The following NVL variants were observed in gnomAD, a reference collection of about 807,000 sequenced individuals.
The protein encoded by NVL is nuclear valosin-containing protein-like.
NVL carries 84 observed loss-of-function variants against 110.2 expected under a neutral mutation model. The ratio of observed to expected loss-of-function variants is 0.76; its 90% CI spans 0.64 to 0.91. The LOEUF (loss-of-function observed/expected upper bound fraction) is 0.91, where lower values mean the gene tolerates loss of function less well. Ranked by LOEUF, NVL falls within the 40% of genes least tolerant of loss-of-function variation. The pLI is 0.00. For missense variants in NVL, 882 were observed against 1,035.9 expected (o/e 0.85, Z 2.04); for synonymous variants, 354 against 361.1 (o/e 0.98, Z 0.22).
chr1:224,288,023 T>C, intron 13 of NVL, 30 bp from the exon 14 acceptor site: 1 of 1,514,670 alleles, frequency 6.6e-7, no homozygotes, highest in Non-Finnish European at 9.1e-7. Flanking sequence ...GGGAAAAAAA[T>C]AAAGAAACAC....
At chr1:224,281,589 T>C (rs1345723108) in intron 15 of NVL, among the ~76,000 whole-genome samples, 1 of 151,538 alleles carries the variant, frequency 6.6e-6, no homozygotes, top group African/African-American at 2.4e-5. Flanking sequence ...CGTGAGCTAC[T>C]GCGCCTAGCC....
chr1:224,253,500 T>C (rs564384238), intron 18 of NVL, among the ~76,000 whole-genome samples: 2 of 151,354 alleles, frequency 1.3e-5, no homozygotes, highest in African/African-American at 2.4e-5. Flanking sequence ...TTTGGGAGGC[T>C]GAGGCGGGAG....
rs1397311716 is a variant in NVL, at chr1:224,309,006, AGCCGAGATCAC to A, written c.343-754_343-744del. Among the ~76,000 whole-genome samples the A allele has an allele frequency of 3.4e-5, 5 of 147,346 alleles. No homozygotes were observed. In the Admixed American group the frequency reaches 3.5e-4, roughly 10 times the overall value. ...AACCCGGGAGGCGGAGCTTGCAGTG[AGCCGAGATCAC>A]GCCACTGCACTCCAGCCTGGGTGAC... On this transcript the variant is annotated intron_variant, in intron 5 of 22. Coordinates refer to ENST00000281701, the MANE Select transcript of NVL (RefSeq NM_002533.4).
chr1:224,324,304 T>A (rs1398995015), intron 2 of NVL, among the ~76,000 whole-genome samples: 1 of 152,232 alleles, frequency 6.6e-6, no homozygotes, highest in Non-Finnish European at 1.5e-5. Flanking sequence ...ATATAGCACA[T>A]GCCTGTATTT....
At chr1:224,306,221 G>A (rs907800355) in intron 6 of NVL, among the ~76,000 whole-genome samples, 1 of 152,032 alleles carries the variant, frequency 6.6e-6, no homozygotes, top group Non-Finnish European at 1.5e-5. Flanking sequence ...TGTGAAAAGT[G>A]ACTGCACTCT....
intron 18 of NVL, among the ~76,000 whole-genome samples, chr1:224,260,169 G>A (rs899160504): frequency 6.6e-6 from 1 of 152,188 alleles, no homozygotes; most frequent in African/African-American, 2.4e-5. Context: ...GACTAGATGT[G>A]TAAGGAAACA....
intron 5 of NVL, among the ~76,000 whole-genome samples, chr1:224,310,162 G>C (rs995808420): frequency 7.2e-6 from 1 of 139,156 alleles, no homozygotes; most frequent in Admixed American, 7.6e-5. Flanking sequence ...CTGGGCGACA[G>C]AGTGAGACTC....
intron 18 of NVL, among the ~76,000 whole-genome samples, chr1:224,267,811 T>TTATG (rs1263510909): frequency 2.0e-5 from 3 of 152,148 alleles, no homozygotes; most frequent in African/African-American, 7.2e-5. Flanking sequence ...TTACTATAGC[T>TTATG]TATGCAAAAG....
intron 2 of NVL, among the ~76,000 whole-genome samples, chr1:224,319,902 T>C (rs1670477491): frequency 6.6e-6 from 1 of 152,234 alleles, no homozygotes; most frequent in Non-Finnish European, 1.5e-5. Context: ...ATTGCTTCTT[T>C]GGTTTTCCTT....
chr1:224,271,887 G>A (rs1374540527), intron 17 of NVL, among the ~76,000 whole-genome samples: 3 of 151,828 alleles, frequency 2.0e-5, no homozygotes, highest in African/African-American at 7.3e-5. Context: ...GGTGGTGTGC[G>A]CCTGTAATCC....
intron 1 of NVL, among the ~76,000 whole-genome samples, chr1:224,327,184 C>G (rs1241065156): frequency 1.3e-5 from 2 of 151,592 alleles, no homozygotes; most frequent in East Asian, 3.9e-4. Flanking sequence ...GGCTCACACC[C>G]GTAATCCCAG....
At position 224,287,954 on chromosome 1, in the gene NVL, C is replaced by A; in HGVS notation, c.1615G>T (p.Asp539Tyr). Residue 539 changes from aspartate (D) to tyrosine (Y), a missense_variant, in exon 14 of 23, where the codon GAT becomes TAT. Coordinates refer to ENST00000281701, the MANE Select transcript of NVL (RefSeq NM_002533.4). ...QRLLGLLRDQDPLSEEQMQGL... is the reference protein window; with the variant it reads ...QRLLGLLRDQYPLSEEQMQGL... ...TGCATCTGCTCCTCTGAGAGGGGAT[C>A]TTGGTCTCTTAGCAACCCCAGCAGC... is the stretch of plus-strand genomic sequence containing the variant. The A allele has an allele frequency of 1.2e-6, 2 of 1,613,570 alleles. No individual in the cohort carries two copies.
At position 224,308,065 on chromosome 1, in the gene NVL, C is replaced by T; in HGVS notation, c.541G>A (p.Val181Ile). 1 of 1,605,120 alleles carries T rather than the reference C, an allele frequency of 6.2e-7. No homozygotes were observed. Among genetic ancestry groups the T allele is most frequent in the Non-Finnish European group, 8.5e-7 (1 of 1,177,048 alleles). Residue 181 changes from valine to isoleucine, a missense_variant, in exon 6 of 23, where the codon GTA becomes ATA. Val to Ile is a conservative substitution (Grantham distance 29). This residue lies in a region of NVL where 274 missense variants were observed against 268.4 expected (regional missense o/e 1.02). Transcript: ENST00000281701. ...TCCAAGAAAAAACTGTCTTTCTTTA[C>T]ACTTGGGGTTTTGTCAATAAACCAT... ...GGWFIDKTPS[V>I]KKDSFFLDLS...
At chr1:224,242,767 C>G (rs1279017129) in intron 19 of NVL, among the ~76,000 whole-genome samples, 1 of 151,542 alleles carries the variant, frequency 6.6e-6, no homozygotes, top group Admixed American at 6.6e-5. Flanking sequence ...CATGCCCAAC[C>G]AAATTTATTC....
At chr1:224,325,852 C>G (rs1671093273) in intron 2 of NVL, among the ~76,000 whole-genome samples, 1 of 152,080 alleles carries the variant, frequency 6.6e-6, no homozygotes. Context: ...AGTGGCGTGA[C>G]CACAGCTCAC....
In NVL at chr1:224,249,300, T is replaced by C. The variant is rs191151027; in HGVS notation, c.2289+912A>G. Among the ~76,000 whole-genome samples the C allele has an allele frequency of 1.1e-3, 175 of 152,288 alleles. 1 individual carries two copies. Among genetic ancestry groups the C allele is most frequent in the African/African-American group, 3.9e-3 (163 of 41,576 alleles). On this transcript the variant is annotated intron_variant, in intron 19 of 22. Coordinates refer to ENST00000281701, the MANE Select transcript of NVL (RefSeq NM_002533.4). ...CATTGAAGTCCAGCTAATTTTTGTA[T>C]TTTTTGTAGAGATGGGGTTTCCCCA...
chr1:224,274,308 G>T (rs1558289168), intron 17 of NVL, among the ~76,000 whole-genome samples: 1 of 150,126 alleles, frequency 6.7e-6, no homozygotes, highest in Non-Finnish European at 1.5e-5. Context: ...ACAACAAAAA[G>T]AAATGTAACC....
chr1:224,315,226 T>A (rs1005741201), intron 4 of NVL, among the ~76,000 whole-genome samples: 3 of 152,106 alleles, frequency 2.0e-5, no homozygotes, highest in African/African-American at 7.2e-5. Context: ...GGCTAATTTT[T>A]AAATTTTCTG....
chr1:224,296,798 A>G (rs1438677929), intron 10 of NVL, among the ~76,000 whole-genome samples, 180 bp from the exon 11 acceptor site: 3 of 152,224 alleles, frequency 2.0e-5, no homozygotes, highest in Non-Finnish European at 2.9e-5. Flanking sequence ...AAGAGAACCA[A>G]GATGATTAGA....
Sources: gnomAD v4.1 joint callset for allele counts (sites outside exome capture counted in the v4.1 genomes callset) on GRCh38, gnomAD v4.1.1 for gene constraint, gnomAD v4.1.1 regional missense constraint, MANE v1.5 for transcripts, NCBI Gene and HGNC (gene_info 2026-07-23, HGNC 2026-07-21) for gene names.